Variants in LHFPL3 observed in about 807,000 individuals in gnomAD.
The protein encoded by LHFPL3 is LHFPL tetraspan subfamily member 3, also known as LHFPL tetraspan subfamily member 3 protein.
Under a neutral mutation model 19.3 loss-of-function variants are expected in LHFPL3, and 5 were observed. That is an observed-to-expected ratio of 0.26 (90% CI 0.14 to 0.54). The LOEUF is 0.54. Among genes scored for constraint, LHFPL3 ranks in the 20% least tolerant of loss-of-function variants. The pLI is 0.94. For missense variants in LHFPL3, 249 were observed against 307.4 expected, an observed-to-expected ratio of 0.81 and a Z score of 1.42; for synonymous variants, 133 against 126.2, an observed-to-expected ratio of 1.05 and a Z score of -0.36.
intron 1 of LHFPL3, among the ~76,000 whole-genome samples, chr7:104,436,840 A>T (rs570213232): frequency 1.3e-5 from 2 of 152,300 alleles, no homozygotes; most frequent in African/African-American, 4.8e-5. Flanking sequence ...TTACATTTTA[A>T]TATTTGTATT....
intron 1 of LHFPL3, among the ~76,000 whole-genome samples, chr7:104,420,185 C>T (rs1289214049): frequency 6.6e-6 from 1 of 152,192 alleles, no homozygotes. Context: ...CTAGGAGGTA[C>T]ATCCAGGCCT....
At chr7:104,800,180 A>G (rs1451275957) in intron 2 of LHFPL3, 2 of 152,222 alleles carry the variant, frequency 1.3e-5, no homozygotes, top group African/African-American at 2.4e-5. Flanking sequence ...AAGCTACCGC[A>G]TCAATAATTC....
rs374804370 is a variant in LHFPL3, at chr7:104,485,928, G to A, written c.445+156704G>A. On this transcript the variant is annotated intron_variant, in intron 1 of 2. Coordinates refer to ENST00000424859, the MANE Select transcript of LHFPL3 (RefSeq NM_199000.3). Reference sequence around the variant, plus strand: ...TTTTTTAAAAATCAAAAATGTTTTTGTTTGTTTATGTTAATGCACCAAGAT... The same window carrying A: ...TTTTTTAAAAATCAAAAATGTTTTTATTTGTTTATGTTAATGCACCAAGAT... 8.5e-5 allele frequency among the ~76,000 whole-genome samples: 13 copies of A among 152,286 alleles called. No individual in the cohort carries two copies. In the East Asian group the frequency reaches 1.7e-3, roughly 20 times the overall value.
At chr7:104,645,679 T>TTTTA (rs1554419404) in intron 1 of LHFPL3, among the ~76,000 whole-genome samples, 1 of 145,382 alleles carries the variant, frequency 6.9e-6, no homozygotes, top group Non-Finnish European at 1.5e-5. Context: ...TTTTTTTTTT[T>TTTTA]AGATGGAGTC....
intron 1 of LHFPL3, among the ~76,000 whole-genome samples, chr7:104,415,480 C>T (rs1791603504): frequency 6.6e-6 from 1 of 152,028 alleles, no homozygotes; most frequent in South Asian, 2.1e-4. Context: ...CTTCCCATCC[C>T]TTCTGTAATT....
chr7:104,865,694 G>T (rs527584367), intron 2 of LHFPL3, among the ~76,000 whole-genome samples: 34 of 152,230 alleles, frequency 2.2e-4, no homozygotes, highest in African/African-American at 7.5e-4. Context: ...AGCAAGGCAG[G>T]CCAACATTAA....
At position 104,842,499 on chromosome 7, in the gene LHFPL3, T is replaced by C. The variant is rs181791803; in HGVS notation, c.683-63688T>C. 1.7e-4 allele frequency among the ~76,000 whole-genome samples: 26 copies of C among 152,290 alleles called. 1 individual carries two copies. Among genetic ancestry groups the C allele is most frequent in the Admixed American group, 6.5e-4 (10 of 15,306 alleles). ...TAATGTCATGGCTGTCTTCACTGCATTGAGAACTCCAGCCCTCCAGATGGG... is the reference window on the plus strand; with the variant it reads ...TAATGTCATGGCTGTCTTCACTGCACTGAGAACTCCAGCCCTCCAGATGGG... On this transcript the variant is annotated intron_variant, in intron 2 of 2. Transcript: ENST00000424859.
intron 1 of LHFPL3, among the ~76,000 whole-genome samples, chr7:104,573,029 T>C (rs1790256784): frequency 6.6e-6 from 1 of 152,228 alleles, no homozygotes; most frequent in Non-Finnish European, 1.5e-5. Flanking sequence ...TCTTTTTATT[T>C]CTGGCAGCTG....
intron 1 of LHFPL3, among the ~76,000 whole-genome samples, chr7:104,632,922 T>G (rs1791669939): frequency 6.6e-6 from 1 of 152,216 alleles, no homozygotes; most frequent in African/African-American, 2.4e-5. Flanking sequence ...CCCAAAGTGC[T>G]AGATTACAGG....
chr7:104,384,242 G>T (rs1041262939), intron 1 of LHFPL3, among the ~76,000 whole-genome samples: 7 of 152,058 alleles, frequency 4.6e-5, no homozygotes, highest in Non-Finnish European at 1.0e-4. Context: ...TAAATAAAAG[G>T]TTTAAGAATT....
chr7:104,820,284 A>G (rs1420197183), intron 2 of LHFPL3, among the ~76,000 whole-genome samples: 4 of 152,184 alleles, frequency 2.6e-5, no homozygotes, highest in African/African-American at 9.6e-5. Flanking sequence ...GAGTGCTAAT[A>G]AAGTACCATG....
intron 1 of LHFPL3, among the ~76,000 whole-genome samples, chr7:104,457,059 C>G (rs1387534282): frequency 6.6e-6 from 1 of 152,132 alleles, no homozygotes; most frequent in African/African-American, 2.4e-5. Flanking sequence ...AAAAAATATA[C>G]AGTGGCTGTA....
chr7:104,561,303 A>T (rs908492166), intron 1 of LHFPL3, among the ~76,000 whole-genome samples: 2 of 149,150 alleles, frequency 1.3e-5, no homozygotes, highest in Admixed American at 6.6e-5. Context: ...CTCATTATTA[A>T]TGTGTGGGAG....
chr7:104,839,338 G>A (rs138240271), intron 2 of LHFPL3, among the ~76,000 whole-genome samples: 1,832 of 152,264 alleles, frequency 0.012, 38 homozygotes, highest in African/African-American at 0.041. Context: ...CTATATGGCA[G>A]ATTGGAAACC....
chr7:104,843,884 G>T (rs1024246847), intron 2 of LHFPL3, among the ~76,000 whole-genome samples: 12 of 152,182 alleles, frequency 7.9e-5, no homozygotes, highest in African/African-American at 2.9e-4. Context: ...TTTTAAATAA[G>T]ATCTGTCTCA....
intron 1 of LHFPL3, among the ~76,000 whole-genome samples, chr7:104,558,582 C>G (rs1362892573): frequency 6.6e-6 from 1 of 150,830 alleles, no homozygotes; most frequent in African/African-American, 2.5e-5. Context: ...GATATTAGCC[C>G]TTTGTCAGAT....
chr7:104,658,271 AAAG>A (rs1364126462), intron 1 of LHFPL3, among the ~76,000 whole-genome samples: 1 of 152,206 alleles, frequency 6.6e-6, no homozygotes, highest in Non-Finnish European at 1.5e-5. Flanking sequence ...GATAAATTAG[AAAG>A]AAGGACTCAG....
At chr7:104,852,167 T>C (rs940897783) in intron 2 of LHFPL3, among the ~76,000 whole-genome samples, 5 of 152,094 alleles carry the variant, frequency 3.3e-5, no homozygotes, top group African/African-American at 1.2e-4. Context: ...ATGTGCATCC[T>C]ACCAGTCAGG....
chr7:104,422,913 A>G (rs1242397083), intron 1 of LHFPL3, among the ~76,000 whole-genome samples: 1 of 152,202 alleles, frequency 6.6e-6, no homozygotes, highest in Non-Finnish European at 1.5e-5. Flanking sequence ...GAGAGATATT[A>G]ATACCTTCAA....
Sources: gnomAD v4.1 joint callset for allele counts (sites outside exome capture counted in the v4.1 genomes callset) on GRCh38, gnomAD v4.1.1 for gene constraint, MANE v1.5 for transcripts, NCBI Gene and HGNC (gene_info 2026-07-23, HGNC 2026-07-21) for gene names.